Variants in PDPN observed in about 807,000 individuals in gnomAD.
PDPN encodes podoplanin.
PDPN carries 12 observed loss-of-function variants against 23.2 expected under a neutral mutation model. The observed-to-expected ratio is 0.52, with a 90% confidence interval of 0.33 to 0.84. The LOEUF is 0.84. PDPN is among the 40% of genes least tolerant of loss of function. PDPN has a pLI of 0.02. For missense variants in PDPN, 199 were observed against 212.2 expected (o/e 0.94, Z 0.39); for synonymous variants, 77 against 76.7 (o/e 1.00, Z -0.02).
intron 1 of PDPN, among the ~76,000 whole-genome samples, chr1:13,592,359 C>T (rs772296343): frequency 1.8e-4 from 28 of 152,016 alleles, no homozygotes; most frequent in Non-Finnish European, 2.8e-4. Context: ...GTACTGTTGG[C>T]GTCATCTAGG....
chr1:13,583,844 T>C lies in PDPN; in HGVS notation c.-190T>C, dbSNP rs753292713. 9 of 1,579,150 alleles carry C rather than the reference T, an allele frequency of 5.7e-6. No homozygotes were observed. Among genetic ancestry groups the C allele is most frequent in the Non-Finnish European group, 7.7e-6 (9 of 1,163,710 alleles). On this transcript the variant is annotated 5_prime_UTR_variant, in exon 1 of 6. Transcript: ENST00000621990. ...TCGGAAAGTTCTCAACTGCAAAGTT[T>C]GCTGTCCGGCTGCCTAGGGTCTGGG...
intron 2 of PDPN, among the ~76,000 whole-genome samples, chr1:13,607,789 T>C (rs1259940917): frequency 6.6e-6 from 1 of 152,148 alleles, no homozygotes; most frequent in Non-Finnish European, 1.5e-5. Flanking sequence ...TGTGGCAATG[T>C]CATTGCTATA....
At chr1:13,606,481 A>C (rs1424892042) in intron 1 of PDPN, among the ~76,000 whole-genome samples, 1 of 152,156 alleles carries the variant, frequency 6.6e-6, no homozygotes, top group Non-Finnish European at 1.5e-5. Context: ...CAGCAGTCTT[A>C]AAATTAAATG....
At chr1:13,610,257 TCTA>T (rs1387097745) in intron 2 of PDPN, 127 bp from the exon 3 acceptor site, 11 of 680,454 alleles carry the variant, frequency 1.6e-5, no homozygotes, top group Non-Finnish European at 2.7e-5. Context: ...TTCATTTTCT[TCTA>T]CTTGCAATTC....
At chr1:13,595,451 C>G (rs1386573819) in intron 1 of PDPN, among the ~76,000 whole-genome samples, 1 of 152,184 alleles carries the variant, frequency 6.6e-6, no homozygotes, top group Non-Finnish European at 1.5e-5. Context: ...CTCCCCCCCA[C>G]CCCCAAGACC....
intron 1 of PDPN, among the ~76,000 whole-genome samples, chr1:13,591,667 G>A (rs1408696017): frequency 1.3e-5 from 2 of 152,188 alleles, no homozygotes; most frequent in Non-Finnish European, 2.9e-5. Context: ...GTTCATCCAT[G>A]TTATAGCATG....
Position 13,613,745 on chromosome 1 carries a change from C to T in PDPN, c.370+20C>T. On this transcript the variant is annotated intron_variant, in intron 4 of 5. Coordinates refer to ENST00000621990, the MANE Select transcript of PDPN (RefSeq NM_006474.5). ...AGAAAGGTAGGCTAGATTTTGGCAT[C>T]AAAATACTCTTACTGGGGTTTTTTA... The T allele has an allele frequency of 7.2e-7, 1 of 1,397,156 alleles. No individual in the cohort carries two copies. Among genetic ancestry groups the T allele is most frequent in the Non-Finnish European group, 1.0e-6 (1 of 984,060 alleles). The allele number at this position is 1,397,156 out of a possible 1,614,324, so 86.5% of individuals were successfully genotyped here.
Position 13,613,099 on chromosome 1 carries a change from C to T in PDPN, c.332-588C>T, listed in dbSNP as rs541603699. On this transcript the variant is annotated intron_variant, in intron 3 of 5. Transcript: ENST00000621990. Reference sequence around the variant, plus strand: ...CTGGGTTTGACTGCAGATAGAGACCCTAAAATAACAGTGGCACAAACACAA... The same window carrying T: ...CTGGGTTTGACTGCAGATAGAGACCTTAAAATAACAGTGGCACAAACACAA... 3.9e-5 allele frequency among the ~76,000 whole-genome samples: 6 copies of T among 152,242 alleles called. No homozygotes were observed. In the East Asian group the frequency reaches 1.2e-3, roughly 29 times the overall value.
At chr1:13,600,150 C>T (rs1199808539) in intron 1 of PDPN, among the ~76,000 whole-genome samples, 2 of 151,998 alleles carry the variant, frequency 1.3e-5, no homozygotes, top group South Asian at 2.1e-4. Context: ...CTACCAGGAA[C>T]GTGATTTCTG....
chr1:13,615,061 G>A (rs573550131), intron 5 of PDPN, among the ~76,000 whole-genome samples: 2 of 152,114 alleles, frequency 1.3e-5, no homozygotes, highest in Non-Finnish European at 2.9e-5. Flanking sequence ...CTAGAAAACC[G>A]CCTGTCACAG....
intron 1 of PDPN, among the ~76,000 whole-genome samples, chr1:13,586,820 G>C (rs915336605): frequency 6.7e-6 from 1 of 148,786 alleles, no homozygotes; most frequent in African/African-American, 2.5e-5. Flanking sequence ...GTGAGGGGCC[G>C]AGGCGGGCGG....
At chr1:13,599,313 G>A (rs905575583) in intron 1 of PDPN, among the ~76,000 whole-genome samples, 2 of 148,392 alleles carry the variant, frequency 1.3e-5, no homozygotes, top group African/African-American at 5.0e-5. Context: ...TGCCCGGCCA[G>A]AAAGTTCCCT....
chr1:13,614,381 T>C lies in PDPN; in HGVS notation c.452T>C (p.Val151Ala). 1 of 1,599,844 alleles carries C rather than the reference T, an allele frequency of 6.3e-7. No homozygotes were observed. The highest frequency in any genetic ancestry group is 8.6e-7 in the Non-Finnish European group (1 of 1,166,964). The change falls in exon 5 of 6, where the codon GTG becomes GCG. Residue 151 changes from valine to alanine, a missense_variant. Coordinates refer to ENST00000621990, the MANE Select transcript of PDPN (RefSeq NM_006474.5). ...AIGFIGAIIV[V>A]VMRKMSGRYS... ...GGCTTCATTGGTGCAATCATCGTTG[T>C]GGTTATGCGAAAAATGTCGGGAAGG...
At chr1:13,591,022 A>T (rs1413841195) in intron 1 of PDPN, among the ~76,000 whole-genome samples, 1 of 151,924 alleles carries the variant, frequency 6.6e-6, no homozygotes, top group Admixed American at 6.6e-5. Context: ...GCTCACTGCA[A>T]CCTCTGCCTC....
At position 13,586,983 on chromosome 1, in the gene PDPN, G is replaced by A. The variant is rs184153728; in HGVS notation, c.67+2883G>A. Among the ~76,000 whole-genome samples the A allele has an allele frequency of 4.5e-3, 691 of 152,218 alleles. 5 individuals are homozygous for A. The highest frequency in any genetic ancestry group is 7.6e-3 in the Non-Finnish European group (515 of 68,000). On this transcript the variant is annotated intron_variant, in intron 1 of 5. Coordinates refer to ENST00000621990, the MANE Select transcript of PDPN (RefSeq NM_006474.5). ...GAAGAATCGCTTGAACTCGTGAGGCGGCAGTTGCAGTGAACCAAGATCACA... is the reference window on the plus strand; with the variant it reads ...GAAGAATCGCTTGAACTCGTGAGGCAGCAGTTGCAGTGAACCAAGATCACA...
intron 3 of PDPN, among the ~76,000 whole-genome samples, chr1:13,612,868 G>A (rs1355212410): frequency 1.7e-5 from 2 of 116,050 alleles, no homozygotes; most frequent in South Asian, 5.7e-4. Context: ...TTAGGGCAGG[G>A]CCTGATTGAT....
At chr1:13,601,608 T>C (rs781409039) in intron 1 of PDPN, among the ~76,000 whole-genome samples, 8 of 152,294 alleles carry the variant, frequency 5.3e-5, no homozygotes, top group Non-Finnish European at 1.0e-4. Context: ...CTGCCTGCCT[T>C]GGCCTACCAA....
intron 2 of PDPN, among the ~76,000 whole-genome samples, chr1:13,610,005 G>A (rs72867966): frequency 6.4e-4 from 97 of 152,134 alleles, no homozygotes; most frequent in African/African-American, 2.2e-3. Flanking sequence ...CAAAGCTTGC[G>A]GTGAAACGAG....
intron 1 of PDPN, among the ~76,000 whole-genome samples, chr1:13,595,005 A>AAAAG (rs1553144391): frequency 7.3e-5 from 11 of 151,098 alleles, no homozygotes; most frequent in Non-Finnish European, 1.3e-4. Context: ...AAAAAAAAAA[A>AAAAG]AAAGAAAGAA....
Sources: gnomAD v4.1 joint callset for allele counts (sites outside exome capture counted in the v4.1 genomes callset) on GRCh38, gnomAD v4.1.1 for gene constraint, MANE v1.5 for transcripts, NCBI Gene and HGNC (gene_info 2026-07-23, HGNC 2026-07-21) for gene names.